The following LRP1 variants were observed in gnomAD, a reference collection of about 807,000 sequenced individuals.
LRP1 encodes the protein LDL receptor related protein 1.
LRP1 carries 51 observed loss-of-function variants against 541.5 expected under a neutral mutation model. The observed-to-expected ratio is 0.09, with a 90% CI of 0.08 to 0.12. The LOEUF (loss-of-function observed/expected upper bound fraction) is 0.12. Ranked by LOEUF, LRP1 falls within the 10% of genes least tolerant of loss-of-function variation. The probability of loss-of-function intolerance (pLI) is 1.00; values close to 1 mark genes in which losing one functional copy is unlikely to be tolerated. For synonymous variants in LRP1, 2,219 were observed against 2,470.8 expected, an observed-to-expected ratio of 0.90 and a Z score of 3.02; for missense variants, 3,878 against 6,376.2, an observed-to-expected ratio of 0.61 and a Z score of 13.34.
chr12:57,148,948 C>T (rs1253923611), intron 6 of LRP1: 2 of 587,260 alleles, frequency 3.4e-6, no homozygotes, highest in African/African-American at 3.8e-5. Context: ...TTTTCCCTTC[C>T]TCTCCCTTTC....
intron 16 of LRP1, 63 bp from the exon 17 acceptor site, chr12:57,166,021 G>T: frequency 6.2e-7 from 1 of 1,613,352 alleles, no homozygotes; most frequent in South Asian, 1.1e-5. Context: ...TGCCTATACT[G>T]GAGCGGGCAG....
chr12:57,128,925 A>G lies in LRP1; in HGVS notation c.-40A>G. 3 of 1,522,660 alleles carry G rather than the reference A, an allele frequency of 2.0e-6. No homozygotes were observed. Among genetic ancestry groups the G allele is most frequent in the Non-Finnish European group, 2.7e-6 (3 of 1,123,930 alleles). The allele number at this position is 1,522,660 out of a possible 1,614,324, so 94.3% of individuals were successfully genotyped here. A position where few individuals can be genotyped will look rare whatever the true frequency, so the allele number is the denominator to read the frequency against. On this transcript the variant is annotated 5_prime_UTR_variant, in exon 1 of 89. Coordinates refer to ENST00000243077, the MANE Select transcript of LRP1 (RefSeq NM_002332.3). ...GGGGGTGAAGGAGAGAAGTAGCAGG[A>G]CCAGAGGGGAAGGGGCTGCTGCTTG...
rs1299177173 is a variant in LRP1 at position 57,180,341 on chromosome 12, G to A, written c.5248G>A (p.Asp1750Asn). 1 of 1,614,018 alleles carries A rather than the reference G, an allele frequency of 6.2e-7. No individual in the cohort carries two copies. The highest frequency in any genetic ancestry group is 8.5e-7 in the Non-Finnish European group (1 of 1,180,008). Residue 1750 changes from aspartate (D) to asparagine (N), a missense_variant, in exon 32 of 89, where the codon GAC becomes AAC. Asp to Asn is a conservative substitution (Grantham distance 23). Coordinates refer to ENST00000243077, the MANE Select transcript of LRP1 (RefSeq NM_002332.3). ...GQKGPVGLAI[D>N]FPESKLYWIS... ...TCCCCCTTTTCCAGGCCTGGCTATT[G>A]ACTTCCCTGAAAGCAAACTCTACTG...
At position 57,149,394 on chromosome 12, in the gene LRP1, G is replaced by C. The variant is rs562580565; in HGVS notation, c.841+3904G>C. 5.5e-6 allele frequency: 3 copies of C among 540,990 alleles called. No homozygotes were observed. The African/African-American group carries it at 5.7e-5, about 10-fold the overall frequency. The allele number at this position is 540,990 out of a possible 1,614,324, so 33.5% of individuals were successfully genotyped here. A position where few individuals can be genotyped will look rare whatever the true frequency, so the allele number is the denominator to read the frequency against. ...GGCCCGGGCCAGCCCTGTGTCTCCC[G>C]GCCCAGATCCAGCCCTGTCCTCTCC... is the stretch of plus-strand genomic sequence containing the variant. On this transcript the variant is annotated intron_variant, in intron 6 of 88. Transcript: ENST00000243077.
rs952817573 is a variant in LRP1 at position 57,204,180 on chromosome 12, G to A, written c.10952-230G>A. ...CAGTGCCCTGCCACATACCAGAGAA[G>A]GAGTGCCCTCTGAACTCCTCCAGAC... is the stretch of plus-strand genomic sequence containing the variant. On this transcript the variant is annotated intron_variant, in intron 70 of 88. Coordinates refer to ENST00000243077, the MANE Select transcript of LRP1 (RefSeq NM_002332.3). The surrounding 1 kb of genome is among the most constrained non-coding windows in gnomAD (Gnocchi z 5.3). The A allele has an allele frequency of 4.3e-5, 20 of 465,226 alleles. No homozygotes were observed. The highest frequency in any genetic ancestry group is 3.9e-4 in the African/African-American group (20 of 51,882). The allele number at this position is 465,226 out of a possible 1,614,324, so 28.8% of individuals were successfully genotyped here.
chr12:57,158,458 G>A lies in LRP1; in HGVS notation c.1618G>A (p.Gly540Ser). ...CAAGGGCCGGCCAGGCATCATCCGGGGCATGGATATGGGGGCCAAGGTCCC... is the reference window on the plus strand; with the variant it reads ...CAAGGGCCGGCCAGGCATCATCCGGAGCATGGATATGGGGGCCAAGGTCCC... ...YGKGRPGIIRGMDMGAKVPDE... is the reference protein window; with the variant it reads ...YGKGRPGIIRSMDMGAKVPDE... Residue 540 changes from glycine to serine, a missense_variant, in exon 11 of 89, where the codon GGC (glycine) becomes AGC (serine). Around this residue, in one of 13 missense-constraint regions of LRP1, gnomAD observed 496 missense variants for 861.0 expected, o/e 0.58. Coordinates refer to ENST00000243077, the MANE Select transcript of LRP1 (RefSeq NM_002332.3). The surrounding 1 kb of genome is among the most constrained non-coding windows in gnomAD (Gnocchi z 5.3). 1 of 1,614,108 alleles carries A rather than the reference G, an allele frequency of 6.2e-7. No homozygotes were observed. Among genetic ancestry groups the A allele is most frequent in the Non-Finnish European group, 8.5e-7 (1 of 1,179,958 alleles).
chr12:57,185,684 G>T lies in LRP1; in HGVS notation c.6617G>T (p.Arg2206Leu). Residue 2206 changes from arginine (R) to leucine (L), a missense_variant, in exon 41 of 89, where the codon CGC (arginine) becomes CTC (leucine). Around this residue, in one of 13 missense-constraint regions of LRP1, gnomAD observed 1,100 missense variants for 1,827.4 expected, o/e 0.60. Coordinates refer to ENST00000243077, the MANE Select transcript of LRP1 (RefSeq NM_002332.3). This position sits in a 1 kb window ranked among gnomAD's most constrained non-coding sequence, Gnocchi z 4.9. The stretch of plus-strand genomic sequence containing the variant: ...GCCGGCTACCTGCTCTACTCAGAGC[G>T]CACCATTCTCAAGAGTATCCACCTG... ...EYAGYLLYSERTILKSIHLSD... is the reference protein window; with the variant it reads ...EYAGYLLYSELTILKSIHLSD... 1 of 1,613,914 alleles carries T rather than the reference G, an allele frequency of 6.2e-7. No individual in the cohort carries two copies. Among genetic ancestry groups the T allele is most frequent in the South Asian group, 1.1e-5 (1 of 91,074 alleles).
Position 57,145,501 on chromosome 12 carries a change from T to A in LRP1, c.841+11T>A. 1 of 1,610,934 alleles carries A rather than the reference T, an allele frequency of 6.2e-7. No individual in the cohort carries two copies. The highest frequency in any genetic ancestry group is 2.2e-5 in the East Asian group (1 of 44,828). ...CCCTCAGTCTGCACCGTGAGTCACC[T>A]GCTCTCAGCTTGGAGGGCTGGGGAG... On this transcript the variant is annotated intron_variant, in intron 6 of 88. Transcript: ENST00000243077.
Position 57,181,279 on chromosome 12 carries a change from C to G in LRP1, c.5650C>G (p.Gln1884Glu). Residue 1884 changes from glutamine to glutamate, a missense_variant, in exon 34 of 89, where the codon CAG (glutamine) becomes GAG (glutamate). By Grantham distance (29) the Gln-to-Glu change is conservative. This residue lies in a region of LRP1 where 394 missense variants were observed against 635.9 expected (regional missense o/e 0.62). Coordinates refer to ENST00000243077, the MANE Select transcript of LRP1 (RefSeq NM_002332.3). The stretch of plus-strand genomic sequence containing the variant: ...CGGCTATAGCCTCCGGAGTGGCCAG[C>G]AGGCCTGCGAGGGTCAGTGCCTGGC... ...TAGYSLRSGQ[Q>E]ACEGVGSFLL... 2 of 1,612,228 alleles carry G rather than the reference C, an allele frequency of 1.2e-6. No individual in the cohort carries two copies. Among genetic ancestry groups the G allele is most frequent in the Non-Finnish European group, 1.7e-6 (2 of 1,179,602 alleles).
intron 2 of LRP1, among the ~76,000 whole-genome samples, chr12:57,139,782 G>T (rs2035249226): frequency 6.6e-6 from 1 of 152,166 alleles, no homozygotes; most frequent in Non-Finnish European, 1.5e-5. Flanking sequence ...TACTCAGAGA[G>T]ATGTCCCCAG....
chr12:57,147,712 C>G (rs577962801), intron 6 of LRP1: 6 of 152,308 alleles, frequency 3.9e-5, no homozygotes, highest in African/African-American at 1.2e-4. Context: ...CCAGAGAAAA[C>G]TCTGGAAGCA....
rs745734377 is a variant in LRP1 at position 57,166,142 on chromosome 12, C to A, written c.2730C>A (p.Asn910Lys). ...GCGAGAACAACCGGTGCATCCCCAA[C>A]CGCTGGCTCTGCGACGGGGACAATG... is the stretch of plus-strand genomic sequence containing the variant. ...FKCENNRCIP[N>K]RWLCDGDNDC... The change falls in exon 17 of 89, where the codon AAC becomes AAA. Residue 910 changes from asparagine to lysine, a missense_variant. Physicochemically the swap from Asn to Lys is moderately conservative, Grantham distance 94. Around this residue, in one of 13 missense-constraint regions of LRP1, gnomAD observed 496 missense variants for 861.0 expected, o/e 0.58. Transcript: ENST00000243077. 1 of 1,614,224 alleles carries A rather than the reference C, an allele frequency of 6.2e-7. No individual in the cohort carries two copies. The highest frequency in any genetic ancestry group is 8.5e-7 in the Non-Finnish European group (1 of 1,180,048).
At chr12:57,175,347 A>T in intron 22 of LRP1, 113 bp from the exon 23 acceptor site, 1 of 1,248,792 alleles carries the variant, frequency 8.0e-7, no homozygotes, top group Non-Finnish European at 1.1e-6. Context: ...GGCCGTGGGC[A>T]GGGCACAAGG....
intron 1 of LRP1, among the ~76,000 whole-genome samples, chr12:57,138,145 G>A (rs2035213072): frequency 6.6e-6 from 1 of 152,178 alleles, no homozygotes; most frequent in Admixed American, 6.5e-5. Flanking sequence ...AAGCCAGGGG[G>A]TGCTGGTGTC....
At chr12:57,166,706 A>T (rs1565729052) in intron 17 of LRP1, among the ~76,000 whole-genome samples, 1 of 152,196 alleles carries the variant, frequency 6.6e-6, no homozygotes, top group Non-Finnish European at 1.5e-5. Context: ...ACTGGAGAGG[A>T]GGAACAAGGC....
In LRP1 at chr12:57,201,277, T is replaced by G; in HGVS notation, c.10345+124T>G. On this transcript the variant is annotated intron_variant, in intron 65 of 88. Coordinates refer to ENST00000243077, the MANE Select transcript of LRP1 (RefSeq NM_002332.3). This position sits in a 1 kb window ranked among gnomAD's most constrained non-coding sequence, Gnocchi z 6.4. Reference sequence around the variant, plus strand: ...TAGTAGATGGGCAACACAAATTATATTGGGTGTAACTTGCTTTGCTCATAA... The same window carrying G: ...TAGTAGATGGGCAACACAAATTATAGTGGGTGTAACTTGCTTTGCTCATAA... 6.8e-7 allele frequency: 1 copy of G among 1,462,996 alleles called. No homozygotes were observed. The allele number at this position is 1,462,996 out of a possible 1,614,324, so 90.6% of individuals were successfully genotyped here. A position where few individuals can be genotyped will look rare whatever the true frequency, so the allele number is the denominator to read the frequency against.
At chr12:57,202,588 T>C in intron 68 of LRP1, 51 bp downstream of exon 68, 1 of 1,175,130 alleles carries the variant, frequency 8.5e-7, no homozygotes, top group Non-Finnish European at 1.1e-6. Flanking sequence ...GGCCTGGCCC[T>C]TGTCTCGCGG....
chr12:57,165,527 CAG>C lies in LRP1; in HGVS notation c.2531-275_2531-274del, dbSNP rs1334021138. 5 of 331,676 alleles carry C rather than the reference CAG, an allele frequency of 1.5e-5. No homozygotes were observed. Among genetic ancestry groups the C allele is most frequent in the Non-Finnish European group, 2.2e-5 (4 of 179,408 alleles). The allele number at this position is 331,676 out of a possible 1,614,324, so 20.5% of individuals were successfully genotyped here. On this transcript the variant is annotated intron_variant, in intron 15 of 88. Transcript: ENST00000243077. This position sits in a 1 kb window ranked among gnomAD's most constrained non-coding sequence, Gnocchi z 4.5. ...GTGGGGAGAGCCTGTTCGGTGGTGA[CAG>C]AGGTATAGAGGCCATGGGCTCTCTT... is the stretch of plus-strand genomic sequence containing the variant.
At chr12:57,181,099 C>A (rs945369105) in intron 33 of LRP1, 58 bp from the exon 34 acceptor site, 3 of 1,584,354 alleles carry the variant, frequency 1.9e-6, no homozygotes, top group Non-Finnish European at 2.6e-6. Context: ...CAAGCCTGAC[C>A]CTGAGGTCCC....
Sources: gnomAD v4.1 joint callset for allele counts (sites outside exome capture counted in the v4.1 genomes callset) on GRCh38, gnomAD v4.1.1 for gene constraint, gnomAD v4.1.1 regional missense constraint, Gnocchi (gnomAD v3.1) non-coding constraint, MANE v1.5 for transcripts, NCBI Gene and HGNC (gene_info 2026-07-23, HGNC 2026-07-21) for gene names.